Variants in KCNIP4 observed in about 807,000 individuals in gnomAD.
KCNIP4 encodes the protein Kv channel-interacting protein 4.
A neutral mutation model predicts 34.0 loss-of-function variants in KCNIP4; 12 were observed. That is an observed-to-expected ratio of 0.35 (90% CI 0.23 to 0.57). The LOEUF (loss-of-function observed/expected upper bound fraction) is 0.57, where lower values mean the gene tolerates loss of function less well. Among genes scored for constraint, KCNIP4 ranks in the 20% least tolerant of loss-of-function variants. The probability of loss-of-function intolerance (pLI) is 0.83; values close to 1 mark genes in which losing one functional copy is unlikely to be tolerated. For synonymous variants in KCNIP4, 124 were observed against 102.2 expected, an observed-to-expected ratio of 1.21 and a Z score of -1.29; for missense variants, 238 against 311.7, an observed-to-expected ratio of 0.76 and a Z score of 1.78.
At chr4:21,011,755 T>C (rs73245214) in intron 1 of KCNIP4, among the ~76,000 whole-genome samples, 4,617 of 152,334 alleles carry the variant, frequency 0.03, 118 homozygotes, top group Non-Finnish European at 0.043. Flanking sequence ...AGGACAATAA[T>C]GAATCTCATT....
chr4:21,388,667 C>T (rs917901993), intron 1 of KCNIP4, among the ~76,000 whole-genome samples: 2 of 152,080 alleles, frequency 1.3e-5, no homozygotes, highest in South Asian at 4.1e-4. Flanking sequence ...TATTACCCTC[C>T]ACTTTTCCCC....
chr4:20,845,097 C>T (rs1720205604), intron 3 of KCNIP4, among the ~76,000 whole-genome samples: 1 of 152,110 alleles, frequency 6.6e-6, no homozygotes, highest in Non-Finnish European at 1.5e-5. Context: ...CAGTGAGTCA[C>T]ACCTTTTTAA....
intron 2 of KCNIP4, among the ~76,000 whole-genome samples, chr4:20,864,280 A>G (rs1001010189): frequency 1.3e-5 from 2 of 151,556 alleles, no homozygotes; most frequent in African/African-American, 2.4e-5. Flanking sequence ...ACACATATGT[A>G]TGCATATATG....
At chr4:21,464,336 T>G (rs2109784735) in intron 1 of KCNIP4, among the ~76,000 whole-genome samples, 1 of 152,140 alleles carries the variant, frequency 6.6e-6, no homozygotes, top group African/African-American at 2.4e-5. Context: ...CATTTGTAGT[T>G]ATAAATTTCT....
intron 1 of KCNIP4, among the ~76,000 whole-genome samples, chr4:21,313,216 TTTTA>T (rs1713378132): frequency 7.4e-6 from 1 of 135,998 alleles, no homozygotes; most frequent in East Asian, 2.1e-4. Context: ...TTCAACAGAT[TTTTA>T]GCCCTGGTTA....
chr4:21,222,483 A>G (rs967370746), intron 1 of KCNIP4, among the ~76,000 whole-genome samples: 21 of 152,298 alleles, frequency 1.4e-4, no homozygotes, highest in African/African-American at 1.4e-4. Context: ...AATTTTATAA[A>G]TGTTAAGGTA....
intron 1 of KCNIP4, among the ~76,000 whole-genome samples, chr4:21,925,445 G>A (rs1729186690): frequency 6.6e-6 from 1 of 152,102 alleles, no homozygotes; most frequent in Admixed American, 6.5e-5. Context: ...AGTATTCCAT[G>A]GTGTATACGT....
At chr4:20,763,123 A>C (rs544041978) in intron 3 of KCNIP4, among the ~76,000 whole-genome samples, 19 of 152,286 alleles carry the variant, frequency 1.2e-4, no homozygotes, top group African/African-American at 4.6e-4. Flanking sequence ...ATTACAATTC[A>C]AGATGAGATT....
intron 1 of KCNIP4, among the ~76,000 whole-genome samples, chr4:21,285,807 C>T (rs1256508986): frequency 6.6e-6 from 1 of 152,176 alleles, no homozygotes; most frequent in South Asian, 2.1e-4. Flanking sequence ...TACCACTGCA[C>T]TCCAGGCTGG....
At chr4:21,751,085 G>T (rs768639056) in intron 1 of KCNIP4, among the ~76,000 whole-genome samples, 5 of 152,138 alleles carry the variant, frequency 3.3e-5, no homozygotes, top group Non-Finnish European at 7.3e-5. Context: ...ACAGAGGTAG[G>T]TAGGGAAGAG....
At chr4:21,915,593 C>T (rs1164912331) in intron 1 of KCNIP4, among the ~76,000 whole-genome samples, 14 of 152,134 alleles carry the variant, frequency 9.2e-5, no homozygotes, top group Non-Finnish European at 1.5e-5. Context: ...CACAAAATAC[C>T]TTTCTATCCC....
intron 1 of KCNIP4, among the ~76,000 whole-genome samples, chr4:21,691,944 C>A (rs1711696818): frequency 6.6e-6 from 1 of 152,122 alleles, no homozygotes; most frequent in African/African-American, 2.4e-5. Flanking sequence ...GTGATCCACC[C>A]ACCTCAGCCT....
chr4:21,590,835 T>A (rs965385795), intron 1 of KCNIP4, among the ~76,000 whole-genome samples: 1 of 151,930 alleles, frequency 6.6e-6, no homozygotes, highest in Non-Finnish European at 1.5e-5. Context: ...ACTGATCCTC[T>A]CTCTCTCTTA....
chr4:21,307,433 C>T (rs1233776379), intron 1 of KCNIP4, among the ~76,000 whole-genome samples: 2 of 152,158 alleles, frequency 1.3e-5, no homozygotes, highest in African/African-American at 4.8e-5. Flanking sequence ...GGAATCACTA[C>T]CCTCTGAACC....
intron 1 of KCNIP4, among the ~76,000 whole-genome samples, chr4:21,491,294 T>C (rs1732375101): frequency 6.6e-6 from 1 of 152,158 alleles, no homozygotes; most frequent in South Asian, 2.1e-4. Context: ...CATGGGTTTT[T>C]TGCCTTTGCC....
chr4:21,686,468 G>T (rs940870666), intron 1 of KCNIP4, among the ~76,000 whole-genome samples: 1 of 152,042 alleles, frequency 6.6e-6, no homozygotes, highest in East Asian at 1.9e-4. Context: ...ATATAACTAT[G>T]TATTTTTTAT....
intron 1 of KCNIP4, among the ~76,000 whole-genome samples, chr4:21,434,813 G>A (rs1396453245): frequency 1.3e-5 from 2 of 150,826 alleles, no homozygotes; most frequent in Non-Finnish European, 2.9e-5. Flanking sequence ...AGTCCCCGGT[G>A]GCGAAAAGGT....
At chr4:21,703,070 A>T (rs1712987217) in intron 1 of KCNIP4, among the ~76,000 whole-genome samples, 1 of 152,086 alleles carries the variant, frequency 6.6e-6, no homozygotes, top group African/African-American at 2.4e-5. Flanking sequence ...TGATTAAAAA[A>T]AAATCCAAGA....
intron 1 of KCNIP4, among the ~76,000 whole-genome samples, chr4:21,074,623 GTGTCTC>G (rs901580010): frequency 2.6e-5 from 4 of 151,958 alleles, no homozygotes; most frequent in Non-Finnish European, 2.9e-5. Context: ...AGGGTTTTTT[GTGTCTC>G]TGTCTCCTTC....
Sources: gnomAD v4.1 joint callset for allele counts (sites outside exome capture counted in the v4.1 genomes callset) on GRCh38, gnomAD v4.1.1 for gene constraint, MANE v1.5 for transcripts, NCBI Gene and HGNC (gene_info 2026-07-23, HGNC 2026-07-21) for gene names.